Variants in LGSN observed in about 807,000 individuals in gnomAD.
LGSN encodes the protein lengsin, lens protein with glutamine synthetase domain.
A neutral mutation model predicts 19.5 loss-of-function variants in LGSN; 21 were observed. The observed-to-expected ratio is 1.07, with a 90% confidence interval of 0.76 to 1.55. The LOEUF (loss-of-function observed/expected upper bound fraction) is 1.55, where lower values mean the gene tolerates loss of function less well. Among genes scored for constraint, LGSN ranks in the 40% most tolerant of loss-of-function variants. LGSN has a pLI of 0.00. For synonymous variants in LGSN, 257 were observed against 215.6 expected, an observed-to-expected ratio of 1.19 and a Z score of -1.68; for missense variants, 673 against 608.5, an observed-to-expected ratio of 1.11 and a Z score of -1.12.
the LGSN span, among the ~76,000 whole-genome samples, chr6:63,476,605 C>T: frequency 2.6e-5 from 4 of 152,208 alleles, no homozygotes; most frequent in South Asian, 8.3e-4. Context: ...CACCTACATG[C>T]TGTTTCTCCA....
At chr6:63,284,819 T>C (rs1582020913) in intron 3 of LGSN, among the ~76,000 whole-genome samples, 2 of 152,320 alleles carry the variant, frequency 1.3e-5, no homozygotes, top group East Asian at 1.9e-4. Flanking sequence ...TTTGAAGATG[T>C]CCAGTTTTCC....
the LGSN span, among the ~76,000 whole-genome samples, chr6:63,539,140 C>T: frequency 1.3e-5 from 2 of 152,128 alleles, no homozygotes; most frequent in African/African-American, 4.8e-5. Flanking sequence ...GTGGTCCACC[C>T]ACCTTGGCTT....
chr6:63,485,672 T>C, the LGSN span, among the ~76,000 whole-genome samples: 1 of 152,316 alleles, frequency 6.6e-6, no homozygotes, highest in East Asian at 1.9e-4. Context: ...GAATTCATTT[T>C]TCTCCATGAC....
At chr6:63,431,885 G>A in the LGSN span, among the ~76,000 whole-genome samples, 1 of 149,198 alleles carries the variant, frequency 6.7e-6, no homozygotes, top group Non-Finnish European at 1.5e-5. Context: ...AGCCCAACAT[G>A]TTATAAACCC....
At chr6:63,322,346 G>T (rs1288922893), upstream of LGSN, among the ~76,000 whole-genome samples, 2 of 152,084 alleles carry the variant, frequency 1.3e-5, no homozygotes, top group African/African-American at 4.8e-5. Context: ...GAGACCAAGG[G>T]AATAACTGAC....
intron 1 of LGSN, among the ~76,000 whole-genome samples, chr6:63,303,804 A>C (rs889147759): frequency 1.3e-5 from 2 of 152,210 alleles, no homozygotes; most frequent in Non-Finnish European, 1.5e-5. Flanking sequence ...CTCACACTGC[A>C]GTAAAATACT....
At chr6:63,409,247 C>T in the LGSN span, among the ~76,000 whole-genome samples, 1 of 152,126 alleles carries the variant, frequency 6.6e-6, no homozygotes, top group African/African-American at 2.4e-5. Context: ...ATACATGAAA[C>T]ACTTAGGGAT....
chr6:63,327,917 C>G, the LGSN span, among the ~76,000 whole-genome samples: 2 of 152,312 alleles, frequency 1.3e-5, no homozygotes, highest in African/African-American at 2.4e-5. Flanking sequence ...ACTCCCACCT[C>G]TTTGTGTTCC....
rs184678853 is a variant in LGSN, at chr6:63,288,616, A to T, written c.164-2863T>A. Among the ~76,000 whole-genome samples the T allele has an allele frequency of 8.3e-4, 126 of 152,354 alleles. 1 individual carries two copies. The Middle Eastern group carries it at 0.031, about 37-fold the overall frequency. ...CGTGTATTAGTTTGCTAAAGCTACT[A>T]TGACAAATGCCCCAGACAGGCGGCT... is the stretch of plus-strand genomic sequence containing the variant. On this transcript the variant is annotated intron_variant, in intron 2 of 3. Transcript: ENST00000370657.
At chr6:63,466,851 ATG>A in the LGSN span, among the ~76,000 whole-genome samples, 6 of 152,216 alleles carry the variant, frequency 3.9e-5, no homozygotes, top group Non-Finnish European at 8.8e-5. Context: ...TAGACATCCA[ATG>A]AGGATATTGA....
the LGSN span, among the ~76,000 whole-genome samples, chr6:63,375,287 T>A: frequency 6.6e-6 from 1 of 152,102 alleles, no homozygotes. Flanking sequence ...GTGGTCCTCA[T>A]AATCAATTTG....
the LGSN span, among the ~76,000 whole-genome samples, chr6:63,507,443 T>C: frequency 2.8e-4 from 43 of 152,290 alleles, no homozygotes; most frequent in African/African-American, 1.0e-3. Context: ...ATATGTTTCA[T>C]TTATATCATA....
chr6:63,554,712 G>A, the LGSN span, among the ~76,000 whole-genome samples: 2 of 152,278 alleles, frequency 1.3e-5, no homozygotes, highest in East Asian at 3.9e-4. Context: ...CCTTGAACCA[G>A]GGAGGCAGAG....
At chr6:63,320,637 T>C (rs893330107), upstream of LGSN, among the ~76,000 whole-genome samples, 4 of 152,134 alleles carry the variant, frequency 2.6e-5, no homozygotes, top group African/African-American at 9.7e-5. Flanking sequence ...GTAGAGGAAA[T>C]AGGGAATGCT....
chr6:63,311,989 G>A (rs77655205), intron 1 of LGSN, among the ~76,000 whole-genome samples: 3,649 of 152,242 alleles, frequency 0.024, 154 homozygotes, highest in African/African-American at 0.083. Flanking sequence ...CATGAAGTAT[G>A]TGTCTTTCTG....
the LGSN span, among the ~76,000 whole-genome samples, chr6:63,409,891 C>T: frequency 6.6e-6 from 1 of 151,998 alleles, no homozygotes; most frequent in Non-Finnish European, 1.5e-5. Context: ...GAAAAATTAG[C>T]CGGGCATGGT....
chr6:63,404,806 T>A, the LGSN span, among the ~76,000 whole-genome samples: 2 of 152,080 alleles, frequency 1.3e-5, no homozygotes, highest in Non-Finnish European at 2.9e-5. Context: ...TTCTTTTTTT[T>A]ATTTTATTAT....
chr6:63,344,567 C>T, the LGSN span, among the ~76,000 whole-genome samples: 1 of 151,920 alleles, frequency 6.6e-6, no homozygotes, highest in Non-Finnish European at 1.5e-5. Flanking sequence ...GTATACAAGG[C>T]CCACAGAGAA....
the LGSN span, among the ~76,000 whole-genome samples, chr6:63,412,782 A>C: frequency 7.0e-6 from 1 of 143,578 alleles, no homozygotes; most frequent in African/African-American, 2.6e-5. Flanking sequence ...GAAGGAAGGG[A>C]AGGAAGGAAA....
Sources: gnomAD v4.1 joint callset for allele counts (sites outside exome capture counted in the v4.1 genomes callset) on GRCh38, gnomAD v4.1.1 for gene constraint, MANE v1.5 for transcripts, NCBI Gene and HGNC (gene_info 2026-07-23, HGNC 2026-07-21) for gene names.